IMMP2L: variants seen among roughly 807,000 people sequenced by gnomAD.
IMMP2L encodes the protein mitochondrial inner membrane protease subunit 2.
IMMP2L carries 18 observed loss-of-function variants against 19.3 expected under a neutral mutation model. The ratio of observed to expected loss-of-function variants is 0.93; its 90% confidence interval spans 0.64 to 1.38. IMMP2L has a LOEUF of 1.38. IMMP2L is among the 40% of genes most tolerant of loss of function. The pLI, the probability that IMMP2L is intolerant of heterozygous loss-of-function variation, is 0.00. For missense variants in IMMP2L, 233 were observed against 218.2 expected (o/e 1.07, Z -0.43); for synonymous variants, 76 against 73.0 (o/e 1.04, Z -0.21).
chr7:111,016,714 A>T (rs1368886619), intron 3 of IMMP2L, among the ~76,000 whole-genome samples: 1 of 99,386 alleles, frequency 1.0e-5, no homozygotes, highest in Non-Finnish European at 1.8e-5. Flanking sequence ...ATAATTTTAT[A>T]TATATTTATA....
At position 111,214,544 on chromosome 7, in the gene IMMP2L, G is replaced by A. The variant is rs138198738; in HGVS notation, c.240-250979C>T. 9.9e-3 allele frequency among the ~76,000 whole-genome samples: 1,400 copies of A among 140,874 alleles called. 28 individuals are homozygous for A. The highest frequency in any genetic ancestry group is 0.034 in the African/African-American group (1,282 of 38,186). 92.4% of individuals were successfully genotyped at this position (140,874 alleles called of 152,430 possible). A position where few individuals can be genotyped will look rare whatever the true frequency, so the allele number is the denominator to read the frequency against. On this transcript the variant is annotated intron_variant, in intron 3 of 5. Transcript: ENST00000405709. ...TTTTTTTTTAATGTAGTAGAGACAG[G>A]GTTTCAACACGTTGGCCAGGCTGGT... is the stretch of plus-strand genomic sequence containing the variant.
chr7:110,731,707 G>T (rs12155444), intron 5 of IMMP2L, among the ~76,000 whole-genome samples: 18,669 of 152,128 alleles, frequency 0.12, 1,408 homozygotes, highest in South Asian at 0.24. Flanking sequence ...ATTAGGTGAA[G>T]AATTCTTGAC....
At chr7:110,768,624 A>C (rs2131008908) in intron 5 of IMMP2L, among the ~76,000 whole-genome samples, 1 of 152,262 alleles carries the variant, frequency 6.6e-6, no homozygotes, top group Admixed American at 6.5e-5. Flanking sequence ...AGCTTGGAAT[A>C]TCTTCAATGC....
At chr7:110,782,626 A>G (rs1400329391) in intron 5 of IMMP2L, among the ~76,000 whole-genome samples, 6 of 151,896 alleles carry the variant, frequency 4.0e-5, no homozygotes, top group Non-Finnish European at 8.8e-5. Context: ...AAAAAAATAC[A>G]TAAGGAACGC....
chr7:111,391,806 G>A (rs1475987284), intron 3 of IMMP2L: 1 of 692,542 alleles, frequency 1.4e-6, no homozygotes, highest in Admixed American at 2.1e-5. Flanking sequence ...AACCTGAATA[G>A]AGGTCCTTAA....
intron 3 of IMMP2L, among the ~76,000 whole-genome samples, chr7:111,396,787 T>G (rs1832911187): frequency 6.6e-6 from 1 of 152,062 alleles, no homozygotes; most frequent in Non-Finnish European, 1.5e-5. Context: ...TAAATGAAGC[T>G]TTAGAAAACA....
At chr7:110,699,197 G>C (rs1016955763) in intron 5 of IMMP2L, among the ~76,000 whole-genome samples, 1 of 152,134 alleles carries the variant, frequency 6.6e-6, no homozygotes, top group Non-Finnish European at 1.5e-5. Flanking sequence ...GTTGTGTTCA[G>C]AGTTGGCCCC....
chr7:110,893,308 T>TA (rs1159886920), intron 4 of IMMP2L, among the ~76,000 whole-genome samples: 2 of 152,148 alleles, frequency 1.3e-5, no homozygotes, highest in Non-Finnish European at 2.9e-5. Context: ...CTTACATTTA[T>TA]AAAAAATTTA....
intron 5 of IMMP2L, among the ~76,000 whole-genome samples, chr7:110,815,882 G>C (rs539479380): frequency 2.0e-5 from 3 of 151,820 alleles, no homozygotes; most frequent in Non-Finnish European, 2.9e-5. Context: ...TCTTGCTAGC[G>C]GTCTATCAAT....
At chr7:111,219,443 C>T (rs1163058463) in intron 3 of IMMP2L, among the ~76,000 whole-genome samples, 1 of 151,932 alleles carries the variant, frequency 6.6e-6, no homozygotes, top group South Asian at 2.1e-4. Context: ...AATATTTCTG[C>T]ATTGGTTTGA....
At chr7:110,731,268 T>C (rs1304882213) in intron 5 of IMMP2L, among the ~76,000 whole-genome samples, 2 of 152,188 alleles carry the variant, frequency 1.3e-5, no homozygotes. Context: ...TAAGAAATCT[T>C]ACTGTATTTT....
chr7:111,159,193 GC>G (rs1804981275), intron 3 of IMMP2L, among the ~76,000 whole-genome samples: 1 of 152,122 alleles, frequency 6.6e-6, no homozygotes, highest in South Asian at 2.1e-4. Context: ...TCGACTCACT[GC>G]AACCTCCGCC....
At chr7:111,478,982 A>C (rs1175938240) in intron 3 of IMMP2L, among the ~76,000 whole-genome samples, 2 of 152,198 alleles carry the variant, frequency 1.3e-5, no homozygotes, top group Non-Finnish European at 2.9e-5. Context: ...TTTATCAAAG[A>C]ATACATTTTG....
intron 5 of IMMP2L, among the ~76,000 whole-genome samples, chr7:110,802,048 C>A (rs73716436): frequency 0.062 from 9,405 of 152,062 alleles, 328 homozygotes; most frequent in African/African-American, 0.082. Flanking sequence ...CACCTGTACC[C>A]TTTACAACAT....
chr7:110,968,319 T>A (rs1253902865), intron 3 of IMMP2L, among the ~76,000 whole-genome samples: 1 of 151,964 alleles, frequency 6.6e-6, no homozygotes, highest in Non-Finnish European at 1.5e-5. Flanking sequence ...CATATAAATT[T>A]ATTTCTCTTG....
chr7:111,243,146 T>C (rs1815343765), intron 3 of IMMP2L, among the ~76,000 whole-genome samples: 1 of 152,104 alleles, frequency 6.6e-6, no homozygotes, highest in Admixed American at 6.6e-5. Context: ...CAACAGGAAT[T>C]TTTAAATGTA....
chr7:110,818,021 C>G (rs375746163), intron 5 of IMMP2L, among the ~76,000 whole-genome samples: 1 of 152,036 alleles, frequency 6.6e-6, no homozygotes, highest in Admixed American at 6.6e-5. Context: ...TAGAAGAAAA[C>G]CTAGGCATTA....
chr7:110,688,211 T>C (rs529903426), intron 5 of IMMP2L, among the ~76,000 whole-genome samples: 1 of 152,244 alleles, frequency 6.6e-6, no homozygotes, highest in East Asian at 1.9e-4. Context: ...CTGAAATTCC[T>C]GATTTGTAAA....
At chr7:110,848,342 T>G (rs1226730337) in intron 5 of IMMP2L, among the ~76,000 whole-genome samples, 2 of 152,028 alleles carry the variant, frequency 1.3e-5, no homozygotes, top group Non-Finnish European at 2.9e-5. Context: ...GAATTTCAAA[T>G]TAAAACAACA....
Sources: allele counts gnomAD v4.1 joint callset (sites outside exome capture counted in the v4.1 genomes callset), GRCh38; gene constraint gnomAD v4.1.1; transcripts MANE v1.5; gene names NCBI Gene and HGNC (gene_info 2026-07-23, HGNC 2026-07-21).